TESC: variants seen among roughly 807,000 people sequenced by gnomAD.
The protein encoded by TESC is calcineurin B homologous protein 3.
Under a neutral mutation model 31.0 loss-of-function variants are expected in TESC, and 19 were observed. The observed-to-expected ratio is 0.61, with a 90% CI of 0.43 to 0.90. The LOEUF is 0.90. Ranked by LOEUF, TESC falls within the 40% of genes least tolerant of loss-of-function variation. The pLI, the probability that TESC is intolerant of heterozygous loss-of-function variation, is 0.00. For synonymous variants in TESC, 109 were observed against 114.8 expected (o/e 0.95, Z 0.32); for missense variants, 248 against 303.8 (o/e 0.82, Z 1.36).
Position 117,065,554 on chromosome 12 carries a change from T to C in TESC, c.129-8668A>G, listed in dbSNP as rs114589578. ...ATTAAGTGGATGGGCAGTTGCTACA[T>C]GAGTCAGGAGCTCAGGGGAGAGGTC... On this transcript the variant is annotated intron_variant, in intron 2 of 7. Coordinates refer to ENST00000335209, the MANE Select transcript of TESC (RefSeq NM_017899.4). 3.4e-3 allele frequency among the ~76,000 whole-genome samples: 522 copies of C among 152,214 alleles called. 4 individuals are homozygous for C. Among genetic ancestry groups the C allele is most frequent in the African/African-American group, 0.012 (514 of 41,536 alleles).
intron 1 of TESC, among the ~76,000 whole-genome samples, chr12:117,094,213 C>T (rs144281394): frequency 3.9e-4 from 60 of 152,238 alleles, no homozygotes; most frequent in African/African-American, 1.3e-3. Context: ...TACTCGTTTC[C>T]GGTTTAAATC....
chr12:117,062,031 A>G (rs553178350), intron 2 of TESC, among the ~76,000 whole-genome samples: 1 of 152,334 alleles, frequency 6.6e-6, no homozygotes, highest in Admixed American at 6.5e-5. Context: ...TTAATTTTAA[A>G]ATAATAACAG....
At chr12:117,060,881 C>T (rs11068310) in intron 2 of TESC, among the ~76,000 whole-genome samples, 4,551 of 152,322 alleles carry the variant, frequency 0.03, 190 homozygotes, top group East Asian at 0.19. Context: ...ACAGAGAAGC[C>T]GCTGGCTGCT....
In TESC at chr12:117,075,253, A is replaced by G. The variant is rs1467851868; in HGVS notation, c.128+18T>C. 42 of 1,611,846 alleles carry G rather than the reference A, an allele frequency of 2.6e-5. No homozygotes were observed. Among genetic ancestry groups the G allele is most frequent in the Non-Finnish European group, 3.6e-5 (42 of 1,179,544 alleles). On this transcript the variant is annotated intron_variant, in intron 2 of 7. Transcript: ENST00000335209. The stretch of plus-strand genomic sequence containing the variant: ...GGGCATGGCCCCACCCAGCACCCAA[A>G]CCCGCTGCCAATCTTACCGAATGGT...
chr12:117,075,590 C>T (rs7358631), intron 1 of TESC, among the ~76,000 whole-genome samples: 4,978 of 151,886 alleles, frequency 0.033, 303 homozygotes, highest in African/African-American at 0.11. Context: ...TTACTAATAG[C>T]TCCTGAGACA....
intron 2 of TESC, among the ~76,000 whole-genome samples, chr12:117,060,779 G>A (rs182332186): frequency 5.6e-4 from 85 of 152,124 alleles, no homozygotes; most frequent in Non-Finnish European, 1.1e-3. Flanking sequence ...CCTGCTGCCC[G>A]ACTCTCCCTG....
intron 4 of TESC, 164 bp downstream of exon 4, chr12:117,048,855 G>T: frequency 9.1e-7 from 1 of 1,097,598 alleles, no homozygotes; most frequent in Non-Finnish European, 1.3e-6. Context: ...ACGGGAGACA[G>T]CAATGCCAGC....
intron 3 of TESC, among the ~76,000 whole-genome samples, chr12:117,053,040 G>C (rs1476557547): frequency 6.6e-6 from 1 of 152,312 alleles, no homozygotes; most frequent in South Asian, 2.1e-4. Context: ...GCCCCTTCCT[G>C]CCTAGCTCCC....
chr12:117,088,275 G>A (rs4766829), intron 1 of TESC, among the ~76,000 whole-genome samples: 10,504 of 152,224 alleles, frequency 0.069, 732 homozygotes, highest in Admixed American at 0.24. Context: ...TTGAGAGTGG[G>A]CGAGTGGGTG....
At chr12:117,039,877 C>T (rs1000266765) in intron 7 of TESC, among the ~76,000 whole-genome samples, 4 of 152,246 alleles carry the variant, frequency 2.6e-5, no homozygotes, top group Non-Finnish European at 5.9e-5. Flanking sequence ...AGTGGGCCTT[C>T]GTGCTACAAG....
intron 1 of TESC, among the ~76,000 whole-genome samples, chr12:117,097,269 C>T (rs1955408145): frequency 6.6e-6 from 1 of 152,196 alleles, no homozygotes; most frequent in Non-Finnish European, 1.5e-5. Flanking sequence ...GAAGTCTGAG[C>T]TCTGGGCAGC....
chr12:117,086,186 G>C (rs1385114520), intron 1 of TESC, among the ~76,000 whole-genome samples: 1 of 152,152 alleles, frequency 6.6e-6, no homozygotes, highest in African/African-American at 2.4e-5. Flanking sequence ...TTTGGAGGGC[G>C]ATGAAAATGC....
chr12:117,060,554 C>T (rs1478744961), intron 2 of TESC, among the ~76,000 whole-genome samples: 1 of 152,148 alleles, frequency 6.6e-6, no homozygotes, highest in Admixed American at 6.5e-5. Context: ...TACGAAATCA[C>T]GATCGGATGA....
intron 1 of TESC, among the ~76,000 whole-genome samples, chr12:117,075,901 A>ATGTGTGTGTG (rs1171032346): frequency 3.5e-5 from 3 of 86,096 alleles, no homozygotes; most frequent in African/African-American, 1.5e-4. Context: ...ATATATATAT[A>ATGTGTGTGTG]TATATATATA....
intron 3 of TESC, among the ~76,000 whole-genome samples, chr12:117,050,525 T>C (rs1322512049): frequency 6.6e-6 from 1 of 152,344 alleles, no homozygotes; most frequent in East Asian, 1.9e-4. Flanking sequence ...AAGAAAGGGC[T>C]GGTGTTCTGG....
Position 117,083,714 on chromosome 12 carries a change from T to C in TESC, c.59-8374A>G, listed in dbSNP as rs1038626329. 4.2e-4 allele frequency among the ~76,000 whole-genome samples: 64 copies of C among 152,040 alleles called. 1 individual carries two copies. Among genetic ancestry groups the C allele is most frequent in the African/African-American group, 1.2e-3 (48 of 41,404 alleles). ...CAAATCTAGTGAGAAATGAAGTAGA[T>C]TGATGGTTGCCAGGGGCTGGAGGGT... On this transcript the variant is annotated intron_variant, in intron 1 of 7. Coordinates refer to ENST00000335209, the MANE Select transcript of TESC (RefSeq NM_017899.4).
chr12:117,097,961 G>A (rs1262851688), intron 1 of TESC, among the ~76,000 whole-genome samples: 1 of 151,984 alleles, frequency 6.6e-6, no homozygotes, highest in Non-Finnish European at 1.5e-5. Context: ...TTCTTTAGTT[G>A]GATATTTCTA....
At chr12:117,050,813 T>C (rs1410264039) in intron 3 of TESC, among the ~76,000 whole-genome samples, 1 of 152,154 alleles carries the variant, frequency 6.6e-6, no homozygotes, top group African/African-American at 2.4e-5. Context: ...TAGTCCCAGC[T>C]ACTTAGGGGG....
chr12:117,042,309 C>T (rs778770318), intron 6 of TESC, among the ~76,000 whole-genome samples: 11 of 152,088 alleles, frequency 7.2e-5, no homozygotes, highest in Admixed American at 1.3e-4. Context: ...AGGGAGAATC[C>T]GAGGTGTGGG....
Sources: gnomAD v4.1 joint callset for allele counts (sites outside exome capture counted in the v4.1 genomes callset) on GRCh38, gnomAD v4.1.1 for gene constraint, MANE v1.5 for transcripts, NCBI Gene and HGNC (gene_info 2026-07-23, HGNC 2026-07-21) for gene names.